Variants in CHL1 observed in about 807,000 individuals in gnomAD.
CHL1 encodes the protein cell adhesion molecule L1 like.
CHL1 carries 96 observed loss-of-function variants against 141.9 expected under a neutral mutation model. The ratio of observed to expected loss-of-function variants is 0.68; its 90% CI spans 0.57 to 0.80. The LOEUF (loss-of-function observed/expected upper bound fraction) is 0.80. Among genes scored for constraint, CHL1 ranks in the 30% least tolerant of loss-of-function variants. CHL1 has a pLI of 0.00. For synonymous variants in CHL1, 613 were observed against 502.2 expected (o/e 1.22, Z -2.95); for missense variants, 1,820 against 1,457.2 (o/e 1.25, Z -4.05).
intron 15 of CHL1, among the ~76,000 whole-genome samples, chr3:374,729 C>T (rs1168204849): frequency 1.3e-5 from 2 of 152,174 alleles, no homozygotes; most frequent in African/African-American, 4.8e-5. Context: ...CTGCTGCTGG[C>T]TGGCCTTGAC....
At chr3:197,694 G>T (rs761432384) in intron 1 of CHL1, 5 of 424,796 alleles carry the variant, frequency 1.2e-5, no homozygotes, top group Non-Finnish European at 1.9e-5. Context: ...GGGTTGTGGG[G>T]TTGGGGAGCA....
chr3:386,505 C>T (rs565565283), intron 19 of CHL1, among the ~76,000 whole-genome samples: 18 of 152,300 alleles, frequency 1.2e-4, no homozygotes, highest in African/African-American at 4.3e-4. Context: ...AAAGAGTCTA[C>T]TGCAACCTTA....
chr3:336,482 C>T (rs537296192), intron 5 of CHL1, among the ~76,000 whole-genome samples: 6 of 152,228 alleles, frequency 3.9e-5, no homozygotes, highest in South Asian at 4.1e-4. Flanking sequence ...GATGGGATTA[C>T]ACAGCTTAGG....
chr3:359,895 G>A (rs919662209), intron 11 of CHL1, among the ~76,000 whole-genome samples: 10 of 152,278 alleles, frequency 6.6e-5, no homozygotes, highest in East Asian at 3.9e-4. Context: ...TAGGGAGATC[G>A]TGATGTGTTG....
At position 329,644 on chromosome 3, in the gene CHL1, A is replaced by G. The variant is rs143917118; in HGVS notation, c.385+1290A>G. 4.6e-5 allele frequency among the ~76,000 whole-genome samples: 7 copies of G among 152,108 alleles called. No homozygotes were observed. In the East Asian group the frequency reaches 1.4e-3, roughly 29 times the overall value. On this transcript the variant is annotated intron_variant, in intron 5 of 27. Transcript: ENST00000256509. ...AGAAATAAATTCAAATATATCACAA[A>G]TGAAAGACAAAAGTAAATAGAATAA...
intron 2 of CHL1, among the ~76,000 whole-genome samples, chr3:310,257 C>A (rs544406607): frequency 3.3e-5 from 5 of 152,036 alleles, no homozygotes; most frequent in African/African-American, 1.2e-4. Context: ...TAGTGAGACC[C>A]CTATCTCTAT....
intron 1 of CHL1, among the ~76,000 whole-genome samples, chr3:211,334 G>C (rs1296944806): frequency 6.6e-6 from 1 of 152,184 alleles, no homozygotes; most frequent in East Asian, 1.9e-4. Flanking sequence ...CGTGTGGCTA[G>C]TACCATTATT....
At chr3:251,998 A>T (rs1209066853) in intron 2 of CHL1, among the ~76,000 whole-genome samples, 1 of 152,040 alleles carries the variant, frequency 6.6e-6, no homozygotes, top group Non-Finnish European at 1.5e-5. Flanking sequence ...AAATCCAAGG[A>T]CTGCAAAATC....
intron 2 of CHL1, among the ~76,000 whole-genome samples, chr3:307,413 G>A (rs907974719): frequency 1.3e-5 from 2 of 152,200 alleles, no homozygotes; most frequent in African/African-American, 4.8e-5. Flanking sequence ...CATTGTGACA[G>A]AAATCTGCAA....
At chr3:289,291 T>C (rs1044979944) in intron 2 of CHL1, among the ~76,000 whole-genome samples, 1 of 152,184 alleles carries the variant, frequency 6.6e-6, no homozygotes, top group Non-Finnish European at 1.5e-5. Flanking sequence ...ATATTTAATT[T>C]TGTGCTCAAA....
At chr3:333,804 T>C (rs1260829577) in intron 5 of CHL1, among the ~76,000 whole-genome samples, 2 of 152,212 alleles carry the variant, frequency 1.3e-5, no homozygotes, top group Non-Finnish European at 2.9e-5. Flanking sequence ...ATCAGTAAGG[T>C]TAAAATGATA....
chr3:319,182 A>G (rs562092572), intron 2 of CHL1, among the ~76,000 whole-genome samples: 1 of 151,862 alleles, frequency 6.6e-6, no homozygotes, highest in East Asian at 1.9e-4. Context: ...AATATTATGG[A>G]CATAAAGATA....
At chr3:242,053 A>G (rs373741422) in intron 1 of CHL1, among the ~76,000 whole-genome samples, 1 of 152,184 alleles carries the variant, frequency 6.6e-6, no homozygotes, top group Non-Finnish European at 1.5e-5. Flanking sequence ...GTTTGAGTCT[A>G]TCCCTCCACT....
In CHL1 at chr3:406,641, T is replaced by C. The variant is rs1383854340; in HGVS notation, c.*930T>C. 1 of 152,144 alleles carries C rather than the reference T, an allele frequency of 6.6e-6. No homozygotes were observed. The highest frequency in any genetic ancestry group is 1.5e-5 in the Non-Finnish European group (1 of 68,016). The allele number at this position is 152,144 out of a possible 1,614,324, so 9.4% of individuals were successfully genotyped here. ...GTTAATATTTACACAATTTAAAATATAGATGTGTTTTATTTTGAAGTGAGA... is the reference window on the plus strand; with the variant it reads ...GTTAATATTTACACAATTTAAAATACAGATGTGTTTTATTTTGAAGTGAGA... On this transcript the variant is annotated 3_prime_UTR_variant, in exon 28 of 28. Coordinates refer to ENST00000256509, the MANE Select transcript of CHL1 (RefSeq NM_006614.4).
chr3:398,258 T>A lies in CHL1; in HGVS notation c.3126T>A (p.Asn1042Lys). Residue 1042 changes from asparagine (N) to lysine (K), a missense_variant, in exon 25 of 28, where the codon AAT becomes AAA. Transcript: ENST00000256509. The part of the protein sequence containing the change: ...SKGIGKISGV[N>K]LTQKTHPIEV... ...GTATCGGGAAGATATCAGGAGTAAA[T>A]CTTACTCAAAAGACTCACCCAATAG... is the stretch of plus-strand genomic sequence containing the variant. The A allele has an allele frequency of 6.2e-7, 1 of 1,605,730 alleles. No individual in the cohort carries two copies. Among genetic ancestry groups the A allele is most frequent in the Non-Finnish European group, 8.5e-7 (1 of 1,173,152 alleles).
At chr3:356,035 C>T (rs894243103) in intron 11 of CHL1, among the ~76,000 whole-genome samples, 2 of 152,322 alleles carry the variant, frequency 1.3e-5, no homozygotes, top group Admixed American at 6.5e-5. Context: ...GCCACAAAAA[C>T]AGCCCCCCGT....
In CHL1 at chr3:405,780, G is replaced by C; in HGVS notation, c.*69G>C. 1 of 1,146,980 alleles carries C rather than the reference G, an allele frequency of 8.7e-7. No individual in the cohort carries two copies. The highest frequency in any genetic ancestry group is 1.3e-6 in the Non-Finnish European group (1 of 774,596). The allele number at this position is 1,146,980 out of a possible 1,614,324, so 71.1% of individuals were successfully genotyped here. On this transcript the variant is annotated 3_prime_UTR_variant, in exon 28 of 28. Coordinates refer to ENST00000256509, the MANE Select transcript of CHL1 (RefSeq NM_006614.4). The stretch of plus-strand genomic sequence containing the variant: ...CATATTTATCTGTTCAAAGGAGCAA[G>C]AACTTTCATATAGGAATAGAAACAT...
At chr3:336,158 A>G (rs962302641) in intron 5 of CHL1, among the ~76,000 whole-genome samples, 1 of 152,172 alleles carries the variant, frequency 6.6e-6, no homozygotes, top group African/African-American at 2.4e-5. Context: ...CTGATGCTAC[A>G]GTGTTGTCTG....
At chr3:380,289 C>T (rs924427812) in intron 16 of CHL1, among the ~76,000 whole-genome samples, 6 of 152,166 alleles carry the variant, frequency 3.9e-5, no homozygotes, top group African/African-American at 1.2e-4. Flanking sequence ...GAATTGGAAA[C>T]GATGCTTTTT....
Sources: gnomAD v4.1 joint callset for allele counts (sites outside exome capture counted in the v4.1 genomes callset) on GRCh38, gnomAD v4.1.1 for gene constraint, MANE v1.5 for transcripts, NCBI Gene and HGNC (gene_info 2026-07-23, HGNC 2026-07-21) for gene names.